RBFOX1: variants seen among roughly 807,000 people sequenced by gnomAD.
RBFOX1 encodes the protein RNA binding fox-1 homolog 1.
A neutral mutation model predicts 57.7 loss-of-function variants in RBFOX1; 8 were observed. That is an observed-to-expected ratio of 0.14 (90% confidence interval 0.08 to 0.25). The LOEUF is 0.25. Ranked by LOEUF, RBFOX1 falls within the 10% of genes least tolerant of loss-of-function variation. The pLI is 1.00. For synonymous variants in RBFOX1, 326 were observed against 222.4 expected (o/e 1.47, Z -4.15); for missense variants, 611 against 548.5 (o/e 1.11, Z -1.14).
chr16:5,825,785 A>G (rs1458122402), intron 3 of RBFOX1, among the ~76,000 whole-genome samples: 1 of 145,406 alleles, frequency 6.9e-6, no homozygotes, highest in African/African-American at 2.5e-5. Context: ...TAATATGAAT[A>G]AGGAATAATA....
chr16:6,542,583 G>T (rs1426902587), intron 2 of RBFOX1, among the ~76,000 whole-genome samples: 1 of 138,724 alleles, frequency 7.2e-6, no homozygotes, highest in Non-Finnish European at 1.5e-5. Context: ...TCCGCCTCCT[G>T]GGTTCACGCC....
At chr16:6,852,040 C>T (rs1003811768) in intron 3 of RBFOX1, among the ~76,000 whole-genome samples, 3 of 151,602 alleles carry the variant, frequency 2.0e-5, no homozygotes, top group African/African-American at 7.3e-5. Flanking sequence ...ATTCTCCTGA[C>T]TCAGTCTCTT....
intron 3 of RBFOX1, among the ~76,000 whole-genome samples, chr16:6,840,255 C>T (rs967840685): frequency 2.0e-5 from 3 of 152,104 alleles, no homozygotes; most frequent in East Asian, 3.9e-4. Flanking sequence ...ATCTTTTAGT[C>T]ACACGGAACA....
chr16:5,241,702 G>C (rs1415564805), intron 1 of RBFOX1, among the ~76,000 whole-genome samples: 2 of 152,350 alleles, frequency 1.3e-5, no homozygotes, highest in East Asian at 3.9e-4. Context: ...AGCACTTAGC[G>C]TTGTGCCTGG....
intron 1 of RBFOX1, among the ~76,000 whole-genome samples, chr16:5,403,330 A>T (rs1185863984): frequency 6.7e-6 from 1 of 149,736 alleles, no homozygotes; most frequent in East Asian, 2.0e-4. Flanking sequence ...AGTCTGGGAA[A>T]CAGACTGAAA....
intron 3 of RBFOX1, among the ~76,000 whole-genome samples, chr16:5,607,318 G>A (rs1192170174): frequency 6.6e-6 from 1 of 152,240 alleles, no homozygotes; most frequent in African/African-American, 2.4e-5. Context: ...CACCCGTGAT[G>A]TTGGCCACAT....
chr16:7,053,848 A>G (rs2050956349), intron 4 of RBFOX1, among the ~76,000 whole-genome samples: 1 of 152,038 alleles, frequency 6.6e-6, no homozygotes, highest in South Asian at 2.1e-4. Context: ...TGTTACTTTT[A>G]TGGTCACTGT....
At chr16:7,011,139 T>C (rs2153655772) in intron 3 of RBFOX1, among the ~76,000 whole-genome samples, 1 of 152,178 alleles carries the variant, frequency 6.6e-6, no homozygotes, top group Admixed American at 6.5e-5. Context: ...TCTTACATAG[T>C]TGAAAAGTCA....
At chr16:7,166,930 G>C (rs958163128) in intron 4 of RBFOX1, among the ~76,000 whole-genome samples, 1 of 135,482 alleles carries the variant, frequency 7.4e-6, no homozygotes, top group African/African-American at 2.8e-5. Flanking sequence ...TTTCTTTACT[G>C]ATGACATCAG....
Position 5,967,416 on chromosome 16 carries a change from A to G in RBFOX1, c.351+100081A>G, listed in dbSNP as rs75207352. Among the ~76,000 whole-genome samples, 1,540 of 152,186 alleles carry G rather than the reference A, an allele frequency of 0.01. 58 individuals carry two copies. In the East Asian group the frequency reaches 0.11, roughly 11 times the overall value. Reference sequence around the variant, plus strand: ...TCCAGGCTCATTTTATACATTTCTTAACCCGGTATTGGAATCAGTAATTTC... The same window carrying G: ...TCCAGGCTCATTTTATACATTTCTTGACCCGGTATTGGAATCAGTAATTTC... On this transcript the variant is annotated intron_variant, in intron 4 of 19. Coordinates refer to the RBFOX1 transcript ENST00000641259.
intron 4 of RBFOX1, among the ~76,000 whole-genome samples, chr16:7,128,810 TC>T (rs1349721583): frequency 1.4e-5 from 2 of 141,148 alleles, no homozygotes; most frequent in South Asian, 2.3e-4. Context: ...AACTTTTTTT[TC>T]TTTTTACTTT....
chr16:5,845,058 A>G (rs887682864), intron 3 of RBFOX1, among the ~76,000 whole-genome samples: 3 of 116,764 alleles, frequency 2.6e-5, no homozygotes, highest in African/African-American at 1.2e-4. Flanking sequence ...ATTACCCGAG[A>G]TTCTTTTTTT....
chr16:6,128,361 G>A (rs1278939688), intron 1 of RBFOX1, among the ~76,000 whole-genome samples: 1 of 152,104 alleles, frequency 6.6e-6, no homozygotes, highest in Non-Finnish European at 1.5e-5. Context: ...CAGCCATGAT[G>A]CTACAACTGA....
intron 2 of RBFOX1, among the ~76,000 whole-genome samples, chr16:6,441,914 G>C (rs529858653): frequency 2.6e-5 from 4 of 152,234 alleles, no homozygotes; most frequent in African/African-American, 9.6e-5. Flanking sequence ...TCAGCGTGGC[G>C]GGAGGGTCTT....
At chr16:6,666,249 T>C (rs543624906) in intron 3 of RBFOX1, among the ~76,000 whole-genome samples, 6 of 152,096 alleles carry the variant, frequency 3.9e-5, no homozygotes, top group Non-Finnish European at 8.8e-5. Context: ...AGAATGTGAC[T>C]GAGGCCGGGC....
chr16:6,799,984 A>G (rs1189903013), intron 3 of RBFOX1, among the ~76,000 whole-genome samples: 3 of 152,132 alleles, frequency 2.0e-5, no homozygotes, highest in Non-Finnish European at 1.5e-5. Flanking sequence ...TTCCTTTCAT[A>G]TATATTAAAC....
intron 5 of RBFOX1, among the ~76,000 whole-genome samples, chr16:7,532,063 C>G (rs1444462598): frequency 6.6e-6 from 1 of 151,612 alleles, no homozygotes; most frequent in Admixed American, 6.6e-5. Context: ...TGCATTTTTG[C>G]TTTATATTGT....
chr16:7,189,216 G>T (rs1415819838), intron 4 of RBFOX1, among the ~76,000 whole-genome samples: 2 of 151,794 alleles, frequency 1.3e-5, no homozygotes, highest in Non-Finnish European at 2.9e-5. Flanking sequence ...ATGAGGTCAG[G>T]CGATCGAGAC....
intron 3 of RBFOX1, among the ~76,000 whole-genome samples, chr16:5,840,722 G>A (rs551076942): frequency 2.0e-5 from 3 of 152,330 alleles, no homozygotes; most frequent in South Asian, 4.1e-4. Flanking sequence ...AGCAGAAGGA[G>A]CCTTCTCACA....
Sources: allele counts gnomAD v4.1 joint callset (sites outside exome capture counted in the v4.1 genomes callset), GRCh38; gene constraint gnomAD v4.1.1; transcripts MANE v1.5; gene names NCBI Gene and HGNC (gene_info 2026-07-23, HGNC 2026-07-21).